CAPZB: variants seen among roughly 807,000 people sequenced by gnomAD.
CAPZB encodes capping actin protein of muscle Z-line subunit beta.
CAPZB carries 2 observed loss-of-function variants against 38.1 expected under a neutral mutation model. The ratio of observed to expected loss-of-function variants is 0.05; its 90% CI spans 0.02 to 0.17. The LOEUF is 0.17. CAPZB is among the 10% of genes least tolerant of loss of function. CAPZB has a pLI of 1.00. For synonymous variants in CAPZB, 107 were observed against 127.4 expected (o/e 0.84, Z 1.08); for missense variants, 161 against 334.2 (o/e 0.48, Z 4.04).
intron 3 of CAPZB, among the ~76,000 whole-genome samples, chr1:19,383,437 ACT>A (rs2094186426): frequency 8.6e-6 from 1 of 115,726 alleles, no homozygotes; most frequent in Non-Finnish European, 1.7e-5. Flanking sequence ...ACAGAGTGAG[ACT>A]CTGTCTCAAA....
intron 1 of CAPZB, among the ~76,000 whole-genome samples, chr1:19,471,905 A>G (rs2100781294): frequency 1.4e-5 from 2 of 143,368 alleles, no homozygotes; most frequent in South Asian, 2.2e-4. Flanking sequence ...AAAAAAAAAA[A>G]AAAGAAATGC....
At chr1:19,369,933 G>A (rs2094111162) in intron 4 of CAPZB, among the ~76,000 whole-genome samples, 1 of 152,212 alleles carries the variant, frequency 6.6e-6, no homozygotes. Context: ...CACTCAGCCA[G>A]AGCAAAGGAA....
In CAPZB at chr1:19,366,309, TAAATAA is replaced by T. The variant is rs1352860551; in HGVS notation, c.330-8752_330-8747del. ...ATATATATATATATATATATATATA[TAAATAA>T]AATAAATGGTCATGAGGGACACTTT... On this transcript the variant is annotated intron_variant, in intron 4 of 8. Transcript: ENST00000264202. 5.7e-4 allele frequency among the ~76,000 whole-genome samples: 39 copies of T among 68,576 alleles called. No individual in the cohort carries two copies. The South Asian group carries it at 0.011, about 19-fold the overall frequency. The allele number at this position is 68,576 out of a possible 152,430, so 45.0% of individuals were successfully genotyped here.
At chr1:19,420,963 G>A (rs959999499) in intron 1 of CAPZB, among the ~76,000 whole-genome samples, 3 of 152,206 alleles carry the variant, frequency 2.0e-5, no homozygotes, top group Non-Finnish European at 4.4e-5. Flanking sequence ...CTCAGGAGAT[G>A]AGACAAGAAA....
intron 1 of CAPZB, among the ~76,000 whole-genome samples, chr1:19,444,451 A>C (rs2094489734): frequency 1.3e-5 from 2 of 152,212 alleles, no homozygotes; most frequent in Non-Finnish European, 2.9e-5. Flanking sequence ...ATAAACAAAC[A>C]AACCTTTACT....
chr1:19,434,709 C>G lies in CAPZB; in HGVS notation c.4-14959G>C, dbSNP rs192183113. The stretch of plus-strand genomic sequence containing the variant: ...CTTTGGGAGGCCGAAATGGGAGGAT[C>G]ACTTGAGCCTAGGAGTTCAAACCAG... On this transcript the variant is annotated intron_variant, in intron 1 of 8. Coordinates refer to ENST00000264202, the MANE Select transcript of CAPZB (RefSeq NM_004930.5). Among the ~76,000 whole-genome samples, 236 of 152,238 alleles carry G rather than the reference C, an allele frequency of 1.6e-3. 1 individual carries two copies. Among genetic ancestry groups the G allele is most frequent in the African/African-American group, 5.6e-3 (231 of 41,538 alleles).
intron 6 of CAPZB, among the ~76,000 whole-genome samples, chr1:19,345,927 G>T (rs10917401): frequency 0.019 from 2,962 of 152,270 alleles, 107 homozygotes; most frequent in African/African-American, 0.068. Context: ...GGTTATGAGG[G>T]GGGCAGCAGC....
intron 1 of CAPZB, among the ~76,000 whole-genome samples, chr1:19,446,305 C>CA (rs147277468): frequency 0.044 from 6,659 of 152,270 alleles, 228 homozygotes; most frequent in African/African-American, 0.094. Context: ...CCACCCCTGA[C>CA]AACATGTTAG....
At chr1:19,386,934 G>A (rs1439724484) in intron 2 of CAPZB, among the ~76,000 whole-genome samples, 1 of 152,212 alleles carries the variant, frequency 6.6e-6, no homozygotes, top group Non-Finnish European at 1.5e-5. Flanking sequence ...GCCTGTACCT[G>A]TGCTTGTTTT....
In CAPZB at chr1:19,427,509, G is replaced by A. The variant is rs115453216; in HGVS notation, c.4-7759C>T. On this transcript the variant is annotated intron_variant, in intron 1 of 8. Coordinates refer to ENST00000264202, the MANE Select transcript of CAPZB (RefSeq NM_004930.5). ...ACCCAATAAGCAACTTTGTTTAAAC[G>A]TCGAATCTGTTTTCTGCCATGTGGC... Among the ~76,000 whole-genome samples the A allele has an allele frequency of 4.3e-3, 657 of 152,312 alleles. 5 individuals carry two copies. The highest frequency in any genetic ancestry group is 0.015 in the African/African-American group (622 of 41,568).
At chr1:19,348,292 A>G (rs1222441574) in intron 6 of CAPZB, among the ~76,000 whole-genome samples, 1 of 151,866 alleles carries the variant, frequency 6.6e-6, no homozygotes, top group African/African-American at 2.4e-5. Context: ...TTTAAAAGAC[A>G]AGGAGGTCTT....
chr1:19,386,280 C>T (rs1158144944), intron 2 of CAPZB, among the ~76,000 whole-genome samples: 2 of 152,162 alleles, frequency 1.3e-5, no homozygotes, highest in Admixed American at 6.5e-5. Context: ...AAACTCTGGG[C>T]CAATGTTGCG....
At chr1:19,438,627 T>C (rs1196205851) in intron 1 of CAPZB, among the ~76,000 whole-genome samples, 1 of 152,160 alleles carries the variant, frequency 6.6e-6, no homozygotes, top group African/African-American at 2.4e-5. Context: ...ACGAAGACCA[T>C]CCTCGCTTAA....
chr1:19,442,312 G>C (rs2094480071), intron 1 of CAPZB, among the ~76,000 whole-genome samples: 1 of 152,162 alleles, frequency 6.6e-6, no homozygotes, highest in Admixed American at 6.5e-5. Flanking sequence ...TACACCAGAG[G>C]ATCTGATTCA....
chr1:19,436,358 T>C (rs969906367), intron 1 of CAPZB, among the ~76,000 whole-genome samples: 6 of 152,172 alleles, frequency 3.9e-5, no homozygotes, highest in Non-Finnish European at 8.8e-5. Context: ...GTCACAGTGC[T>C]TGCGTTCAAG....
intron 1 of CAPZB, among the ~76,000 whole-genome samples, chr1:19,472,375 T>C (rs1418411065): frequency 6.6e-6 from 1 of 152,182 alleles, no homozygotes; most frequent in Non-Finnish European, 1.5e-5. Flanking sequence ...CATGAACTAA[T>C]AACCTGTCGG....
chr1:19,478,506 A>G (rs2100807733), intron 1 of CAPZB, among the ~76,000 whole-genome samples: 1 of 152,318 alleles, frequency 6.6e-6, no homozygotes. Flanking sequence ...AGAAAGTTGT[A>G]GGCAAAGGCT....
At chr1:19,374,756 C>CG (rs2094136626) in intron 4 of CAPZB, among the ~76,000 whole-genome samples, 1 of 152,214 alleles carries the variant, frequency 6.6e-6, no homozygotes, top group Non-Finnish European at 1.5e-5. Flanking sequence ...AGCCAGCAGA[C>CG]GGGAGCATTG....
At chr1:19,408,218 A>G (rs144295199) in intron 2 of CAPZB, among the ~76,000 whole-genome samples, 3 of 152,366 alleles carry the variant, frequency 2.0e-5, no homozygotes, top group African/African-American at 7.2e-5. Flanking sequence ...CACAGCCTCT[A>G]GGCTGGTGGA....
Sources: gnomAD v4.1 joint callset for allele counts (sites outside exome capture counted in the v4.1 genomes callset) on GRCh38, gnomAD v4.1.1 for gene constraint, MANE v1.5 for transcripts, NCBI Gene and HGNC (gene_info 2026-07-23, HGNC 2026-07-21) for gene names.